PDE8B: variants seen among roughly 807,000 people sequenced by gnomAD.
The protein encoded by PDE8B is phosphodiesterase 8B, also known as high affinity cAMP-specific and IBMX-insensitive 3',5'-cyclic phosphodiesterase 8B.
Under a neutral mutation model 101.3 loss-of-function variants are expected in PDE8B, and 26 were observed. The ratio of observed to expected loss-of-function variants is 0.26; its 90% CI spans 0.19 to 0.36. The LOEUF is 0.36. PDE8B is among the 10% of genes least tolerant of loss of function. The pLI is 1.00. For synonymous variants in PDE8B, 424 were observed against 429.3 expected (o/e 0.99, Z 0.15); for missense variants, 810 against 1,163.1 (o/e 0.70, Z 4.42).
chr5:77,168,584 G>A, the PDE8B span, among the ~76,000 whole-genome samples: 33 of 152,374 alleles, frequency 2.2e-4, no homozygotes, highest in African/African-American at 7.7e-4. Context: ...ATGCTGGGGC[G>A]AAGGCAAGTC....
At chr5:77,200,177 C>A in the PDE8B span, among the ~76,000 whole-genome samples, 9 of 151,958 alleles carry the variant, frequency 5.9e-5, no homozygotes, top group African/African-American at 2.2e-4. Context: ...GCAACAAAAA[C>A]CAGAAACAAT....
At chr5:77,423,214 G>A (rs559796392) in intron 20 of PDE8B, among the ~76,000 whole-genome samples, 73 of 152,282 alleles carry the variant, frequency 4.8e-4, no homozygotes, top group Admixed American at 2.8e-3. Flanking sequence ...TGGCTGCATA[G>A]TATTCCATGG....
At chr5:77,119,122 A>G in the PDE8B span, 3 of 152,150 alleles carry the variant, frequency 2.0e-5, no homozygotes, top group Non-Finnish European at 2.9e-5. Context: ...AACCACCACG[A>G]GATACCTACT....
At chr5:77,177,182 T>G in the PDE8B span, among the ~76,000 whole-genome samples, 1 of 152,172 alleles carries the variant, frequency 6.6e-6, no homozygotes, top group African/African-American at 2.4e-5. Flanking sequence ...CGCTGTATGA[T>G]GGCAGAAGTG....
At chr5:77,322,376 A>G (rs765653140) in intron 2 of PDE8B, among the ~76,000 whole-genome samples, 2 of 152,202 alleles carry the variant, frequency 1.3e-5, no homozygotes, top group Non-Finnish European at 2.9e-5. Context: ...ATAAAAATAT[A>G]CAATTAATAC....
intron 17 of PDE8B, among the ~76,000 whole-genome samples, chr5:77,415,963 AG>A (rs1040158009): frequency 3.9e-4 from 60 of 152,222 alleles, no homozygotes; most frequent in Admixed American, 3.9e-3. Context: ...AACTATGCAG[AG>A]GTAACTGCAC....
At chr5:77,173,116 G>A in the PDE8B span, among the ~76,000 whole-genome samples, 3 of 152,186 alleles carry the variant, frequency 2.0e-5, no homozygotes, top group African/African-American at 7.2e-5. Context: ...TTTTGGCAGA[G>A]AAAGAGAACA....
the PDE8B span, among the ~76,000 whole-genome samples, chr5:77,103,322 C>T: frequency 7.9e-5 from 12 of 152,162 alleles, no homozygotes; most frequent in African/African-American, 2.4e-4. Context: ...CTCCCAGAAG[C>T]TATTTTTACT....
At chr5:77,260,129 C>T (rs1760171284) in intron 1 of PDE8B, among the ~76,000 whole-genome samples, 1 of 134,898 alleles carries the variant, frequency 7.4e-6, no homozygotes, top group East Asian at 2.1e-4. Context: ...TGTGCTCCAG[C>T]CTGGGCAACA....
the PDE8B span, among the ~76,000 whole-genome samples, chr5:77,098,067 G>C: frequency 2.0e-5 from 3 of 151,932 alleles, no homozygotes; most frequent in Non-Finnish European, 2.9e-5. Flanking sequence ...GATAATTTGA[G>C]GGCCGACTGC....
At chr5:77,353,679 C>T (rs75242216) in intron 10 of PDE8B, among the ~76,000 whole-genome samples, 1,640 of 152,184 alleles carry the variant, frequency 0.011, 10 homozygotes, top group Non-Finnish European at 0.019. Flanking sequence ...AATTTTTCCT[C>T]CAAATAAAAA....
At chr5:77,320,641 C>T (rs964188628) in intron 2 of PDE8B, among the ~76,000 whole-genome samples, 1 of 152,280 alleles carries the variant, frequency 6.6e-6, no homozygotes, top group African/African-American at 2.4e-5. Context: ...CAGTTCTTAA[C>T]ATCTTGCATA....
the PDE8B span, among the ~76,000 whole-genome samples, chr5:77,143,219 C>G: frequency 2.0e-5 from 3 of 152,314 alleles, no homozygotes; most frequent in Admixed American, 1.3e-4. Flanking sequence ...CTATTCTCAA[C>G]ATCGGAGAAC....
At chr5:77,171,448 C>A in the PDE8B span, among the ~76,000 whole-genome samples, 1 of 152,178 alleles carries the variant, frequency 6.6e-6, no homozygotes, top group African/African-American at 2.4e-5. Flanking sequence ...TCAGGCTTGA[C>A]CTTAATCCTG....
At chr5:77,096,866 A>G in the PDE8B span, among the ~76,000 whole-genome samples, 2 of 152,172 alleles carry the variant, frequency 1.3e-5, no homozygotes, top group African/African-American at 4.8e-5. Context: ...GTGTCTTAAC[A>G]TGATTACATC....
Position 77,220,319 on chromosome 5 carries a change from G to A in PDE8B, c.339+9055G>A, listed in dbSNP as rs139840177. 3.5e-4 allele frequency among the ~76,000 whole-genome samples: 54 copies of A among 152,364 alleles called. 1 individual carries two copies. The East Asian group carries it at 6.9e-3, about 20-fold the overall frequency. On this transcript the variant is annotated intron_variant, in intron 1 of 21. Transcript: ENST00000264917. ...GGGAGGAACAGGTGAGGGCAAGGGA[G>A]TGTGATCCACTTAGCCTGATCTCCC...
intron 1 of PDE8B, chr5:77,291,004 G>C: frequency 6.2e-7 from 1 of 1,612,140 alleles, no homozygotes; most frequent in Non-Finnish European, 8.5e-7. Context: ...TCCTTCACCG[G>C]GAGCACTCAG....
At chr5:77,147,453 A>C in the PDE8B span, 1 of 152,778 alleles carries the variant, frequency 6.5e-6, no homozygotes, top group African/African-American at 2.4e-5. Flanking sequence ...TTAGTTATAC[A>C]TGGGGATGGT....
intron 10 of PDE8B, among the ~76,000 whole-genome samples, chr5:77,387,631 G>A (rs1251954451): frequency 6.7e-6 from 1 of 149,796 alleles, no homozygotes; most frequent in Non-Finnish European, 1.5e-5. Context: ...TGTCTTGCTA[G>A]GTTGGGGAAG....
Sources: allele counts gnomAD v4.1 joint callset (sites outside exome capture counted in the v4.1 genomes callset), GRCh38; gene constraint gnomAD v4.1.1; transcripts MANE v1.5; gene names NCBI Gene and HGNC (gene_info 2026-07-23, HGNC 2026-07-21).